IQGAP2: variants seen among roughly 807,000 people sequenced by gnomAD.
The protein encoded by IQGAP2 is IQ motif containing GTPase activating protein 2.
Under a neutral mutation model 201.3 loss-of-function variants are expected in IQGAP2, and 173 were observed. The observed-to-expected ratio is 0.86, with a 90% confidence interval of 0.76 to 0.98. IQGAP2 has a LOEUF of 0.98. IQGAP2 is among the 50% of genes least tolerant of loss of function. The probability of loss-of-function intolerance (pLI) is 0.00; values close to 1 mark genes in which losing one functional copy is unlikely to be tolerated. For synonymous variants in IQGAP2, 675 were observed against 673.9 expected, an observed-to-expected ratio of 1.00 and a Z score of -0.03; for missense variants, 1,687 against 1,864.8, an observed-to-expected ratio of 0.90 and a Z score of 1.76.
intron 6 of IQGAP2, among the ~76,000 whole-genome samples, 200 bp downstream of exon 6, chr5:76,589,173 G>A (rs553084326): frequency 2.7e-4 from 41 of 152,106 alleles, no homozygotes; most frequent in Non-Finnish European, 4.6e-4. Context: ...TTAGCCGGGC[G>A]TGGTGGGGGG....
chr5:76,511,641 G>A (rs901902348), intron 2 of IQGAP2, among the ~76,000 whole-genome samples: 1 of 152,016 alleles, frequency 6.6e-6, no homozygotes, highest in African/African-American at 2.4e-5. Context: ...ACAAAAAAAG[G>A]AAGTGTCTTT....
intron 20 of IQGAP2, among the ~76,000 whole-genome samples, chr5:76,657,624 T>C (rs1742868150): frequency 6.6e-6 from 1 of 152,152 alleles, no homozygotes; most frequent in Non-Finnish European, 1.5e-5. Flanking sequence ...TATTACTGGG[T>C]CTAATCATTC....
At chr5:76,521,515 C>T (rs1442072349) in intron 2 of IQGAP2, among the ~76,000 whole-genome samples, 2 of 152,214 alleles carry the variant, frequency 1.3e-5, no homozygotes, top group African/African-American at 4.8e-5. Flanking sequence ...CTCCTCCATA[C>T]TTTTGGAAAA....
chr5:76,625,682 A>G (rs149623794), intron 13 of IQGAP2, among the ~76,000 whole-genome samples: 7 of 152,212 alleles, frequency 4.6e-5, no homozygotes, highest in African/African-American at 1.7e-4. Context: ...TTCCACATGC[A>G]TTATCTCACG....
intron 35 of IQGAP2, among the ~76,000 whole-genome samples, chr5:76,703,352 C>T (rs1747587253): frequency 1.3e-5 from 2 of 152,048 alleles, no homozygotes; most frequent in South Asian, 4.2e-4. Context: ...GACAGGGTTT[C>T]ACCACGTTGC....
chr5:76,499,194 T>G (rs144370691), intron 2 of IQGAP2, among the ~76,000 whole-genome samples: 298 of 152,280 alleles, frequency 2.0e-3, no homozygotes, highest in African/African-American at 6.7e-3. Context: ...TCCCCTAACC[T>G]ACTCTCAAAA....
chr5:76,588,129 A>T (rs1377435299), intron 5 of IQGAP2, among the ~76,000 whole-genome samples: 2 of 152,198 alleles, frequency 1.3e-5, no homozygotes, highest in African/African-American at 4.8e-5. Flanking sequence ...TTCATCTCAC[A>T]TCAACATCTG....
intron 1 of IQGAP2, among the ~76,000 whole-genome samples, chr5:76,448,263 G>A (rs1270317615): frequency 1.3e-5 from 2 of 152,190 alleles, no homozygotes; most frequent in Non-Finnish European, 2.9e-5. Context: ...AGGAGCTGGT[G>A]CTGGCTTTGT....
At chr5:76,602,051 C>G (rs1184751814) in intron 11 of IQGAP2, among the ~76,000 whole-genome samples, 1 of 152,172 alleles carries the variant, frequency 6.6e-6, no homozygotes, top group Non-Finnish European at 1.5e-5. Context: ...GAGTTTCCCT[C>G]TGCCCTCAGC....
chr5:76,529,669 A>AAT (rs1759173087), intron 2 of IQGAP2, among the ~76,000 whole-genome samples: 1 of 112,878 alleles, frequency 8.9e-6, no homozygotes, highest in East Asian at 2.0e-4. Context: ...TAATAATAAT[A>AAT]ATAATAATGG....
rs535309202 is a variant in IQGAP2 at position 76,671,777 on chromosome 5, A to T, written c.2862A>T (p.Val954=). 1 of 1,613,752 alleles carries T rather than the reference A, an allele frequency of 6.2e-7. No homozygotes were observed. The highest frequency in any genetic ancestry group is 8.5e-7 in the Non-Finnish European group (1 of 1,179,766). ...TTTTTAGATCAAAAGTGGACCAGGT[A>T]CAGGACATAGTTACTGGTAACCCTA... ...EEEIKSKVDQ[V]QDIVTGNPTV... is the part of the protein sequence containing the mutation. The change falls in exon 24 of 36, where the codon GTA becomes GTT. Residue 954 remains valine, a synonymous_variant. Coordinates refer to ENST00000274364, the MANE Select transcript of IQGAP2 (RefSeq NM_006633.5).
Position 76,611,141 on chromosome 5 carries a change from C to G in IQGAP2, c.1479C>G (p.His493Gln). The G allele has an allele frequency of 1.2e-6, 2 of 1,613,868 alleles. No homozygotes were observed. The highest frequency in any genetic ancestry group is 1.7e-6 in the Non-Finnish European group (2 of 1,179,898). Residue 493 changes from histidine (H) to glutamine (Q), a missense_variant, in exon 13 of 36, where the codon CAC becomes CAG. Coordinates refer to ENST00000274364, the MANE Select transcript of IQGAP2 (RefSeq NM_006633.5). ...ISDVDPAHAQ[H>Q]YQDVLYHAKS... ...ATGTGGACCCAGCCCATGCCCAGCA[C>G]TACCAGGATGTTTTATACCATGCTA...
chr5:76,454,282 A>G (rs1035225478), intron 1 of IQGAP2, among the ~76,000 whole-genome samples: 21 of 151,898 alleles, frequency 1.4e-4, no homozygotes, highest in African/African-American at 4.8e-4. Flanking sequence ...GAAATTAGAT[A>G]TATATATATT....
At chr5:76,685,834 A>C (rs1426814681) in intron 30 of IQGAP2, among the ~76,000 whole-genome samples, 1 of 152,230 alleles carries the variant, frequency 6.6e-6, no homozygotes, top group Non-Finnish European at 1.5e-5. Context: ...GTGTACATGC[A>C]TTTAGTACAT....
At chr5:76,494,330 A>T (rs917415778) in intron 2 of IQGAP2, among the ~76,000 whole-genome samples, 8 of 152,268 alleles carry the variant, frequency 5.3e-5, no homozygotes, top group African/African-American at 1.9e-4. Flanking sequence ...GGGTTCAGTC[A>T]CATATTAGAA....
chr5:76,628,702 G>A (rs761016818), intron 14 of IQGAP2: 35 of 456,122 alleles, frequency 7.7e-5, no homozygotes, highest in East Asian at 6.9e-5. Context: ...TTTCAACCTC[G>A]GAAGCATCTG....
rs141434770 is a variant in IQGAP2, at chr5:76,611,576, T to C, written c.1521+393T>C. Among the ~76,000 whole-genome samples, 413 of 152,292 alleles carry C rather than the reference T, an allele frequency of 2.7e-3. 1 individual carries two copies. The highest frequency in any genetic ancestry group is 8.8e-3 in the African/African-American group (367 of 41,560). On this transcript the variant is annotated intron_variant, in intron 13 of 35. Transcript: ENST00000274364. ...CCTTATCTTCAAAATGCTTAGAAAC[T>C]GATTGAGGCAGTGGACATTGTCACA... is the stretch of plus-strand genomic sequence containing the variant.
intron 17 of IQGAP2, 65 bp downstream of exon 17, chr5:76,641,168 T>C: frequency 7.8e-7 from 1 of 1,274,248 alleles, no homozygotes; most frequent in Non-Finnish European, 1.1e-6. Flanking sequence ...TTTTATTTGA[T>C]AATAGAATAG....
At chr5:76,493,829 C>G (rs1325494521) in intron 2 of IQGAP2, among the ~76,000 whole-genome samples, 1 of 152,108 alleles carries the variant, frequency 6.6e-6, no homozygotes, top group Admixed American at 6.5e-5. Context: ...TCCCCACTAC[C>G]AAGTGGATTT....
Sources: allele counts gnomAD v4.1 joint callset (sites outside exome capture counted in the v4.1 genomes callset), GRCh38; gene constraint gnomAD v4.1.1; transcripts MANE v1.5; gene names NCBI Gene and HGNC (gene_info 2026-07-23, HGNC 2026-07-21).